The following UTRN variants were observed in gnomAD, a reference collection of about 807,000 sequenced individuals.
UTRN encodes dystrophin-related protein 1.
A neutral mutation model predicts 463.9 loss-of-function variants in UTRN; 283 were observed. The observed-to-expected ratio is 0.61, with a 90% CI of 0.55 to 0.67. The LOEUF (loss-of-function observed/expected upper bound fraction) is 0.67, where lower values mean the gene tolerates loss of function less well. UTRN is among the 30% of genes least tolerant of loss of function. The probability of loss-of-function intolerance (pLI) is 0.00; values close to 1 mark genes in which losing one functional copy is unlikely to be tolerated. For synonymous variants in UTRN, 1,442 were observed against 1,431.5 expected, an observed-to-expected ratio of 1.01 and a Z score of -0.17; for missense variants, 3,922 against 4,084.3, an observed-to-expected ratio of 0.96 and a Z score of 1.08.
At chr6:144,393,533 A>T (rs1226332158) in intron 2 of UTRN, among the ~76,000 whole-genome samples, 2 of 152,230 alleles carry the variant, frequency 1.3e-5, no homozygotes, top group Non-Finnish European at 2.9e-5. Context: ...GAGAAATGGT[A>T]GAAAGAGACT....
chr6:144,657,605 G>A (rs913305562), intron 51 of UTRN, among the ~76,000 whole-genome samples: 4 of 152,100 alleles, frequency 2.6e-5, no homozygotes, highest in African/African-American at 7.2e-5. Flanking sequence ...CCTTGGGTGT[G>A]GATACAAGAT....
chr6:144,833,885 C>G (rs974980429), intron 69 of UTRN, among the ~76,000 whole-genome samples: 1 of 152,146 alleles, frequency 6.6e-6, no homozygotes, highest in Non-Finnish European at 1.5e-5. Flanking sequence ...CATACACAGA[C>G]CCATATCTCC....
At chr6:144,329,554 G>A (rs911095494) in intron 2 of UTRN, among the ~76,000 whole-genome samples, 5 of 152,066 alleles carry the variant, frequency 3.3e-5, no homozygotes, top group African/African-American at 1.2e-4. Flanking sequence ...CGAGCCAAAT[G>A]GTATTTTCAA....
At chr6:144,677,331 T>A (rs1335268805) in intron 51 of UTRN, among the ~76,000 whole-genome samples, 1 of 152,128 alleles carries the variant, frequency 6.6e-6, no homozygotes, top group Non-Finnish European at 1.5e-5. Flanking sequence ...GTGTTCTCAT[T>A]TTTCAGCTCC....
chr6:144,823,332 C>T lies in UTRN; in HGVS notation c.9494+2314C>T, dbSNP rs560975583. On this transcript the variant is annotated intron_variant, in intron 66 of 74. Transcript: ENST00000367545. ...TCGGGATTTGATATAGTTCACTTTT[C>T]GGCTGAGCCCTTTCTAGTACAGGGC... Among the ~76,000 whole-genome samples the T allele has an allele frequency of 2.9e-4, 44 of 151,986 alleles. 1 individual carries two copies. In the South Asian group the frequency reaches 6.4e-3, roughly 22 times the overall value.
At chr6:144,450,893 C>A (rs528640868) in intron 17 of UTRN, among the ~76,000 whole-genome samples, 1 of 152,112 alleles carries the variant, frequency 6.6e-6, no homozygotes, top group Admixed American at 6.6e-5. Context: ...CTTTGGGAGG[C>A]CAAGGCGGGC....
chr6:144,619,125 C>A (rs1159415339), intron 51 of UTRN, among the ~76,000 whole-genome samples: 2 of 152,034 alleles, frequency 1.3e-5, no homozygotes, highest in African/African-American at 4.8e-5. Flanking sequence ...ATGACTCCCT[C>A]GAGGTCTTAG....
At chr6:144,652,114 A>T (rs951700496) in intron 51 of UTRN, among the ~76,000 whole-genome samples, 2 of 152,202 alleles carry the variant, frequency 1.3e-5, no homozygotes, top group Admixed American at 1.3e-4. Flanking sequence ...TTTGTTTAGC[A>T]ATTTCAAATG....
intron 51 of UTRN, among the ~76,000 whole-genome samples, chr6:144,606,343 G>C (rs1282608641): frequency 6.6e-6 from 1 of 152,304 alleles, no homozygotes; most frequent in African/African-American, 2.4e-5. Context: ...GGGTGTCTAT[G>C]ACCTATAATA....
rs375162615 is a variant in UTRN at position 144,477,756 on chromosome 6, AT to A, written c.3337-2055del. ...CCTAGCTAAATTCAAATTTTTCTCAATGTGCTATAATCTGATGGCATGTGCC... is the reference window on the plus strand; with the variant it reads ...CCTAGCTAAATTCAAATTTTTCTCAAGTGCTATAATCTGATGGCATGTGCC... On this transcript the variant is annotated intron_variant, in intron 25 of 74. Transcript: ENST00000367545. Among the ~76,000 whole-genome samples the A allele has an allele frequency of 1.2e-4, 18 of 152,298 alleles. No individual in the cohort carries two copies. The South Asian group carries it at 3.5e-3, about 30-fold the overall frequency.
intron 51 of UTRN, among the ~76,000 whole-genome samples, chr6:144,595,398 A>G (rs1803538175): frequency 6.6e-6 from 1 of 152,230 alleles, no homozygotes; most frequent in African/African-American, 2.4e-5. Flanking sequence ...AACAGTGACT[A>G]ACTCAAACTT....
intron 23 of UTRN, among the ~76,000 whole-genome samples, chr6:144,472,312 CTTT>C (rs760604326): frequency 1.3e-4 from 18 of 134,964 alleles, no homozygotes; most frequent in Non-Finnish European, 1.5e-4. Context: ...ACTTTCTTTT[CTTT>C]TTTTTTTTTT....
chr6:144,583,306 A>G, intron 51 of UTRN: 1 of 422,004 alleles, frequency 2.4e-6, no homozygotes. Context: ...GTGTTTTTTA[A>G]ATTGAGAAGT....
At chr6:144,499,843 C>T (rs1794013237) in intron 34 of UTRN, among the ~76,000 whole-genome samples, 1 of 152,156 alleles carries the variant, frequency 6.6e-6, no homozygotes, top group Non-Finnish European at 1.5e-5. Flanking sequence ...GTTTAGCCCC[C>T]ACTTGTAAGC....
intron 2 of UTRN, among the ~76,000 whole-genome samples, chr6:144,376,695 C>T (rs1780494972): frequency 6.6e-6 from 1 of 152,004 alleles, no homozygotes; most frequent in African/African-American, 2.4e-5. Context: ...ATGTTCTTTA[C>T]TTTTTATTGC....
intron 69 of UTRN, among the ~76,000 whole-genome samples, chr6:144,830,731 T>TTTTTGTG (rs1586752278): frequency 6.6e-6 from 1 of 150,468 alleles, no homozygotes; most frequent in Non-Finnish European, 1.5e-5. Flanking sequence ...TGTTTTTTGT[T>TTTTTGTG]TTTTTTTTGC....
At position 144,531,199 on chromosome 6, in the gene UTRN, G is replaced by A; in HGVS notation, c.6054G>A (p.Gln2018=). 1 of 1,613,654 alleles carries A rather than the reference G, an allele frequency of 6.2e-7. No homozygotes were observed. Among genetic ancestry groups the A allele is most frequent in the South Asian group, 1.1e-5 (1 of 91,000 alleles). Residue 2018 remains glutamine, a synonymous_variant, in exon 42 of 75, where the codon CAG becomes CAA. Coordinates refer to ENST00000367545, the MANE Select transcript of UTRN (RefSeq NM_007124.3). The part of the protein sequence containing the change: ...SLDLEKARIH[Q]QELEVGISSH... ...ACTTAGAGAAAGCCAGGATACATCAGCAGGTGAGTGCTTTCTGTTAGAGGA... is the reference window on the plus strand; with the variant it reads ...ACTTAGAGAAAGCCAGGATACATCAACAGGTGAGTGCTTTCTGTTAGAGGA...
chr6:144,679,535 G>C (rs1200043506), intron 52 of UTRN, among the ~76,000 whole-genome samples: 1 of 152,050 alleles, frequency 6.6e-6, no homozygotes, highest in Non-Finnish European at 1.5e-5. Context: ...AAACTACTCA[G>C]CCTCTTTGAG....
chr6:144,447,756 A>T lies in UTRN; in HGVS notation c.1877A>T (p.Gln626Leu), dbSNP rs769014440. Residue 626 changes from glutamine (Q) to leucine (L), a missense_variant, in exon 16 of 75, where the codon CAG (glutamine) becomes CTG (leucine). Physicochemically the swap from Gln to Leu is moderately radical, Grantham distance 113. Transcript: ENST00000367545. ...ACTCAAAGATGGGATTCTTTGGTTC[A>T]GAGACTAGAAGATTCCTCCAACCAG... ...ELTQRWDSLV[Q>L]RLEDSSNQVT... 4 of 1,612,482 alleles carry T rather than the reference A, an allele frequency of 2.5e-6. No individual in the cohort carries two copies. Among genetic ancestry groups the T allele is most frequent in the Non-Finnish European group, 3.4e-6 (4 of 1,179,142 alleles).
Sources: allele counts gnomAD v4.1 joint callset (sites outside exome capture counted in the v4.1 genomes callset), GRCh38; gene constraint gnomAD v4.1.1; transcripts MANE v1.5; gene names NCBI Gene and HGNC (gene_info 2026-07-23, HGNC 2026-07-21).